CARMIL2: variants seen among roughly 807,000 people sequenced by gnomAD.
CARMIL2 encodes capping protein regulator and myosin 1 linker 2, also known as capping protein, Arp2/3 and myosin-I linker protein 2.
In CARMIL2, 96 loss-of-function variants were observed where a neutral mutation model predicts 173.3. The observed-to-expected ratio is 0.55, with a 90% confidence interval of 0.47 to 0.66. CARMIL2 has a LOEUF of 0.66. Among genes scored for constraint, CARMIL2 ranks in the 30% least tolerant of loss-of-function variants. The pLI is 0.00. For synonymous variants in CARMIL2, 830 were observed against 817.1 expected, an observed-to-expected ratio of 1.02 and a Z score of -0.27; for missense variants, 1,771 against 1,906.7, an observed-to-expected ratio of 0.93 and a Z score of 1.33.
Position 67,647,762 on chromosome 16 carries a change from G to A in CARMIL2, c.954G>A (p.Pro318=), listed in dbSNP as rs745366415. 1.1e-5 allele frequency: 16 copies of A among 1,406,316 alleles called. No homozygotes were observed. The highest frequency in any genetic ancestry group is 2.0e-5 in the Admixed American group (1 of 48,948). The allele number at this position is 1,406,316 out of a possible 1,614,324, so 87.1% of individuals were successfully genotyped here. The stretch of plus-strand genomic sequence containing the variant: ...GCCTGGCCCAGACAGGGTTGACACC[G>A]CGAGGTAGGCTGGATGAGGGAGGGG... The part of the protein sequence containing the change: ...RLSLAQTGLT[P]RGMRALGRAL... Residue 318 remains proline (P), a synonymous_variant, in exon 12 of 38, where the codon CCG becomes CCA. Transcript: ENST00000334583.
At position 67,649,866 on chromosome 16, in the gene CARMIL2, G is replaced by T. The variant is rs773829109; in HGVS notation, c.1980G>T (p.Ala660=). 4 of 1,612,870 alleles carry T rather than the reference G, an allele frequency of 2.5e-6. No homozygotes were observed. In the Admixed American group the frequency reaches 5.0e-5, roughly 20 times the overall value. Residue 660 remains alanine, a synonymous_variant, in exon 21 of 38, where the codon GCG becomes GCT. Transcript: ENST00000334583. This position sits in a 1 kb window ranked among gnomAD's most constrained non-coding sequence, Gnocchi z 6.7. ...TGGGTCTGCTGGACGTGGCGCAGGC[G>T]CTGGAGCAGAACCACAGCCTGAAGG... The part of the protein sequence containing the change: ...SALGLLDVAQ[A]LEQNHSLKAM...
rs767000219 is a variant in CARMIL2, at chr16:67,648,715, G to T, written c.1470G>T (p.Thr490=). ...TTTTGGATGGCCTCGCGCTCAACAC[G>T]CACCTCCGCGACCTGCACCTGGACC... ...RALLDGLALN[T]HLRDLHLDLS... The change falls in exon 16 of 38, where the codon ACG becomes ACT. Residue 490 remains threonine, a synonymous_variant. Transcript: ENST00000334583. This position sits in a 1 kb window ranked among gnomAD's most constrained non-coding sequence, Gnocchi z 6.1. The T allele has an allele frequency of 1.9e-6, 3 of 1,607,360 alleles. No individual in the cohort carries two copies. Among genetic ancestry groups the T allele is most frequent in the South Asian group, 2.2e-5 (2 of 89,640 alleles).
Position 67,657,262 on chromosome 16 carries a change from T to C in CARMIL2, c.4141T>C (p.Ser1381Pro). 3 of 1,613,358 alleles carry C rather than the reference T, an allele frequency of 1.9e-6. No homozygotes were observed. The highest frequency in any genetic ancestry group is 2.5e-6 in the Non-Finnish European group (3 of 1,179,756). Residue 1381 changes from serine to proline, a missense_variant, in exon 37 of 38, where the codon TCC becomes CCC. This residue lies in a region of CARMIL2 where 817 missense variants were observed against 903.5 expected (regional missense o/e 0.90). Transcript: ENST00000334583. The surrounding 1 kb of genome is among the most constrained non-coding windows in gnomAD (Gnocchi z 4.5). ...AGAACGGCCCCTGAGGCTGCAGCGC[T>C]CCCCCGTCCTCAAACGCAGGCCAAA... ...PAERPLRLQR[S>P]PVLKRRPKLE...
At position 67,646,137 on chromosome 16, in the gene CARMIL2, C is replaced by G. The variant is rs562063543; in HGVS notation, c.250-49C>G. ...AGCCTGGTCTTCATGCTACCACCAT[C>G]ACCTGCGCCCATGTGTGGAGCCGAG... is the stretch of plus-strand genomic sequence containing the variant. On this transcript the variant is annotated intron_variant, in intron 4 of 37. Transcript: ENST00000334583. The surrounding 1 kb of genome is among the most constrained non-coding windows in gnomAD (Gnocchi z 4.6). 6.2e-7 allele frequency: 1 copy of G among 1,613,792 alleles called. No homozygotes were observed. The highest frequency in any genetic ancestry group is 1.6e-4 in the Middle Eastern group (1 of 6,062).
chr16:67,647,809 T>A, intron 12 of CARMIL2, 37 bp from the exon 13 acceptor site: 4 of 1,391,428 alleles, frequency 2.9e-6, no homozygotes, highest in Non-Finnish European at 4.0e-6. Flanking sequence ...GGGGTGGGGG[T>A]CTGTCCAACT....
In CARMIL2 at chr16:67,646,500, A is replaced by C; in HGVS notation, c.449A>C (p.Asp150Ala). The C allele has an allele frequency of 6.2e-7, 1 of 1,612,776 alleles. No individual in the cohort carries two copies. The highest frequency in any genetic ancestry group is 8.5e-7 in the Non-Finnish European group (1 of 1,179,728). ...AGAAGCAGCCCCTCGGAGTCCACTG[A>C]CCCCTGCAGCCCCTGTGGTAAGGGT... ...LERSSPSEST[D>A]PCSPCGGFLE... The change falls in exon 6 of 38, where the codon GAC becomes GCC. Residue 150 changes from aspartate to alanine, a missense_variant. Coordinates refer to ENST00000334583, the MANE Select transcript of CARMIL2 (RefSeq NM_001013838.3). The surrounding 1 kb of genome is among the most constrained non-coding windows in gnomAD (Gnocchi z 4.6).
chr16:67,650,072 C>G lies in CARMIL2; in HGVS notation c.2106C>G (p.Asn702Lys), dbSNP rs759568867. The change falls in exon 22 of 38, where the codon AAC (asparagine) becomes AAG (lysine). Residue 702 changes from asparagine to lysine, a missense_variant. Transcript: ENST00000334583. Reference protein sequence around the residue: ...VHQIQACLLRNNRADPASSDH... With the variant: ...VHQIQACLLRKNRADPASSDH... ...AGATCCAAGCCTGTCTCTTGAGGAA[C>G]AACCGCGCAGACCCTGCCTCTTCTG... 1.2e-6 allele frequency: 2 copies of G among 1,613,860 alleles called. No individual in the cohort carries two copies. The highest frequency in any genetic ancestry group is 1.7e-6 in the Non-Finnish European group (2 of 1,179,870).
In CARMIL2 at chr16:67,649,131, G is replaced by C; in HGVS notation, c.1647G>C (p.Leu549=). The change falls in exon 18 of 38, where the codon CTG becomes CTC. Residue 549 remains leucine, a synonymous_variant. Coordinates refer to ENST00000334583, the MANE Select transcript of CARMIL2 (RefSeq NM_001013838.3). This position sits in a 1 kb window ranked among gnomAD's most constrained non-coding sequence, Gnocchi z 6.7. ...LVLAIGRSRS[L]RHVALGRNFN... is the part of the protein sequence containing the mutation. Reference sequence around the variant, plus strand: ...TGGCCATCGGGAGAAGCCGGTCCCTGAGACATGTGGCGCTTGGAAGGAACT... The same window carrying C: ...TGGCCATCGGGAGAAGCCGGTCCCTCAGACATGTGGCGCTTGGAAGGAACT... 1 of 1,613,604 alleles carries C rather than the reference G, an allele frequency of 6.2e-7. No individual in the cohort carries two copies. The highest frequency in any genetic ancestry group is 8.5e-7 in the Non-Finnish European group (1 of 1,179,816).
In CARMIL2 at chr16:67,653,893, C is replaced by T. The variant is rs926315424; in HGVS notation, c.3121-256C>T. Among the ~76,000 whole-genome samples, 2 of 151,964 alleles carry T rather than the reference C, an allele frequency of 1.3e-5. No homozygotes were observed. Among genetic ancestry groups the T allele is most frequent in the African/African-American group, 4.8e-5 (2 of 41,382 alleles). ...TAGGTTTGCTGGTGACCGGGTGGCT[C>T]GGGCGTGTAGGATACTCTGTGGGAC... On this transcript the variant is annotated intron_variant, in intron 29 of 37. Transcript: ENST00000334583. The surrounding 1 kb of genome is among the most constrained non-coding windows in gnomAD (Gnocchi z 7.4).
rs2052838869 is a variant in CARMIL2, at chr16:67,655,904, G to A, written c.3706-127G>A. ...AAAGAGTTCTAAGAGGGCTGTACTG[G>A]GTTTGCCATGTTCTTGTCCAGCCCA... On this transcript the variant is annotated intron_variant, in intron 32 of 37. Coordinates refer to ENST00000334583, the MANE Select transcript of CARMIL2 (RefSeq NM_001013838.3). The A allele has an allele frequency of 5.8e-6, 6 of 1,037,582 alleles. No individual in the cohort carries two copies. The East Asian group carries it at 1.6e-4, about 27-fold the overall frequency. The allele number at this position is 1,037,582 out of a possible 1,614,324, so 64.3% of individuals were successfully genotyped here.
Position 67,648,393 on chromosome 16 carries a change from C to G in CARMIL2, c.1335-5C>G, listed in dbSNP as rs1384253980. The G allele has an allele frequency of 1.3e-6, 2 of 1,533,078 alleles. No individual in the cohort carries two copies. The highest frequency in any genetic ancestry group is 1.7e-6 in the Non-Finnish European group (2 of 1,145,954). The allele number at this position is 1,533,078 out of a possible 1,614,324, so 95.0% of individuals were successfully genotyped here. ...GCCCCAGGCCCACCTTCCCACTTCC[C>G]CCAGGAAGTCCCGCGCCGCGCCGGC... On this transcript the variant is annotated splice_region_variant and splice_polypyrimidine_tract_variant and intron_variant, in intron 14 of 37. Coordinates refer to ENST00000334583, the MANE Select transcript of CARMIL2 (RefSeq NM_001013838.3). This position sits in a 1 kb window ranked among gnomAD's most constrained non-coding sequence, Gnocchi z 6.1.
intron 36 of CARMIL2, 51 bp downstream of exon 36, chr16:67,656,932 T>A: frequency 7.2e-7 from 1 of 1,387,902 alleles, no homozygotes; most frequent in Non-Finnish European, 9.8e-7. Context: ...TGTGGGAGGG[T>A]GGGCTTCTGG....
chr16:67,650,053 A>G lies in CARMIL2; in HGVS notation c.2087A>G (p.Gln696Arg). The G allele has an allele frequency of 6.2e-7, 1 of 1,613,752 alleles. No homozygotes were observed. Among genetic ancestry groups the G allele is most frequent in the Non-Finnish European group, 8.5e-7 (1 of 1,179,840 alleles). The change falls in exon 22 of 38, where the codon CAA (glutamine) becomes CGA (arginine). Residue 696 changes from glutamine to arginine, a missense_variant. By Grantham distance (43) the Gln-to-Arg change is conservative. Coordinates refer to ENST00000334583, the MANE Select transcript of CARMIL2 (RefSeq NM_001013838.3). Reference sequence around the variant, plus strand: ...CTCAATACCCCTTGCCCCTAGATCCAAGCCTGTCTCTTGAGGAACAACCGC... The same window carrying G: ...CTCAATACCCCTTGCCCCTAGATCCGAGCCTGTCTCTTGAGGAACAACCGC... ...ELTARAVHQIQACLLRNNRAD... is the reference protein window; with the variant it reads ...ELTARAVHQIRACLLRNNRAD...
Position 67,645,789 on chromosome 16 carries a change from G to T in CARMIL2, c.186+12G>T. On this transcript the variant is annotated intron_variant, in intron 3 of 37. Transcript: ENST00000334583. ...GCCTCCCGCTGAGGGTGAGTCCCAGGGCCTGGCCACACCCCCGCCCGCCAG... is the reference window on the plus strand; with the variant it reads ...GCCTCCCGCTGAGGGTGAGTCCCAGTGCCTGGCCACACCCCCGCCCGCCAG... 6.2e-7 allele frequency: 1 copy of T among 1,611,050 alleles called. No homozygotes were observed. Among genetic ancestry groups the T allele is most frequent in the Non-Finnish European group, 8.5e-7 (1 of 1,179,830 alleles).
At position 67,651,962 on chromosome 16, in the gene CARMIL2, T is replaced by C. The variant is rs1205233034; in HGVS notation, c.2630T>C (p.Ile877Thr). Residue 877 changes from isoleucine (I) to threonine (T), a missense_variant, in exon 26 of 38, where the codon ATT becomes ACT. Ile to Thr is a moderately conservative substitution (Grantham distance 89). This residue lies in a region of CARMIL2 where 817 missense variants were observed against 903.5 expected (regional missense o/e 0.90). Transcript: ENST00000334583. This position sits in a 1 kb window ranked among gnomAD's most constrained non-coding sequence, Gnocchi z 4.2. ...ATCACGGGGACCTTGGCAGAGAGCA[T>C]TGTGGCTCAGGCTTTGGCAGGCCTG... is the stretch of plus-strand genomic sequence containing the variant. ...LSITGTLAES[I>T]VAQALAGLSA... 6.2e-6 allele frequency: 10 copies of C among 1,613,420 alleles called. No individual in the cohort carries two copies. Among genetic ancestry groups the C allele is most frequent in the African/African-American group, 4.0e-5 (3 of 74,918 alleles).
chr16:67,651,007 T>G lies in CARMIL2; in HGVS notation c.2185-180T>G. The stretch of plus-strand genomic sequence containing the variant: ...ACTTAGGAAGTGTATATAAAGTCCT[T>G]AAAATGAACCAAAGCAACAGATAGT... On this transcript the variant is annotated intron_variant, in intron 22 of 37. Coordinates refer to ENST00000334583, the MANE Select transcript of CARMIL2 (RefSeq NM_001013838.3). The surrounding 1 kb of genome is among the most constrained non-coding windows in gnomAD (Gnocchi z 4.2). 1 of 656,874 alleles carries G rather than the reference T, an allele frequency of 1.5e-6. No individual in the cohort carries two copies. Among genetic ancestry groups the G allele is most frequent in the Non-Finnish European group, 2.5e-6 (1 of 393,218 alleles). 40.7% of individuals were successfully genotyped at this position (656,874 alleles called of 1,614,324 possible). A position where few individuals can be genotyped will look rare whatever the true frequency, so the allele number is the denominator to read the frequency against.
In CARMIL2 at chr16:67,656,822, C is replaced by G. The variant is rs769313459; in HGVS notation, c.4058C>G (p.Pro1353Arg). 9 of 1,550,968 alleles carry G rather than the reference C, an allele frequency of 5.8e-6. No homozygotes were observed. The highest frequency in any genetic ancestry group is 7.8e-6 in the Non-Finnish European group (9 of 1,147,068). The stretch of plus-strand genomic sequence containing the variant: ...TCAGATGGCCAGCTGAGGCCGAGGC[C>G]TCTCTCGGCAGGGCGGCGAGCAGTG... The part of the protein sequence containing the change: ...RNEDGQLRPR[P>R]LSAGRRAVSV... The change falls in exon 36 of 38, where the codon CCT becomes CGT. Residue 1353 changes from proline to arginine, a missense_variant. By Grantham distance (103) the Pro-to-Arg change is moderately radical. Around this residue, in one of 3 missense-constraint regions of CARMIL2, gnomAD observed 817 missense variants for 903.5 expected, o/e 0.90. Transcript: ENST00000334583.
intron 22 of CARMIL2, chr16:67,650,420 T>C (rs1339493470): frequency 7.5e-6 from 4 of 534,492 alleles, no homozygotes; most frequent in Admixed American, 6.6e-5. Flanking sequence ...TTTCCCCCAA[T>C]TGTAGCCCCA....
Position 67,649,026 on chromosome 16 carries a change from C to A in CARMIL2, c.1592-50C>A. 6.2e-7 allele frequency: 1 copy of A among 1,602,636 alleles called. No individual in the cohort carries two copies. Among genetic ancestry groups the A allele is most frequent in the African/African-American group, 1.3e-5 (1 of 74,774 alleles). ...GCATCATCCACTCGATTCCCAATCC[C>A]CACCCTACCCTTGCAACTTCGCCTC... On this transcript the variant is annotated intron_variant, in intron 17 of 37. Coordinates refer to ENST00000334583, the MANE Select transcript of CARMIL2 (RefSeq NM_001013838.3). The surrounding 1 kb of genome is among the most constrained non-coding windows in gnomAD (Gnocchi z 6.7).
Sources: allele counts gnomAD v4.1 joint callset (sites outside exome capture counted in the v4.1 genomes callset), GRCh38; gene constraint gnomAD v4.1.1; regional missense constraint gnomAD v4.1.1; non-coding constraint Gnocchi (gnomAD v3.1); transcripts MANE v1.5; gene names NCBI Gene and HGNC (gene_info 2026-07-23, HGNC 2026-07-21).